The following CSMD1 variants were observed in gnomAD, a reference collection of about 807,000 sequenced individuals.
CSMD1 encodes the protein CUB and sushi domain-containing protein 1.
Under a neutral mutation model 417.5 loss-of-function variants are expected in CSMD1, and 213 were observed. The ratio of observed to expected loss-of-function variants is 0.51; its 90% CI spans 0.46 to 0.57. The LOEUF (loss-of-function observed/expected upper bound fraction) is 0.57, where lower values mean the gene tolerates loss of function less well. CSMD1 is among the 20% of genes least tolerant of loss of function. The probability of loss-of-function intolerance (pLI) is 0.00; values close to 1 mark genes in which losing one functional copy is unlikely to be tolerated. For missense variants in CSMD1, 6,923 were observed against 4,529.7 expected (o/e 1.53, Z -15.17); for synonymous variants, 2,862 against 1,736.8 (o/e 1.65, Z -16.11).
chr8:3,166,820 A>C (rs1054829519), intron 37 of CSMD1, among the ~76,000 whole-genome samples: 1 of 152,228 alleles, frequency 6.6e-6, no homozygotes, highest in African/African-American at 2.4e-5. Context: ...ATGATAGGAA[A>C]ATTCTAGATT....
At chr8:4,261,434 CAA>C (rs1374218466) in intron 3 of CSMD1, among the ~76,000 whole-genome samples, 2 of 152,108 alleles carry the variant, frequency 1.3e-5, no homozygotes. Flanking sequence ...GAATAATTGT[CAA>C]AGTTTACAAA....
At chr8:3,858,794 C>A (rs976683315) in intron 5 of CSMD1, among the ~76,000 whole-genome samples, 3 of 152,044 alleles carry the variant, frequency 2.0e-5, no homozygotes, top group Admixed American at 2.0e-4. Flanking sequence ...AGCACTGAAT[C>A]ATTTCTTCTA....
chr8:4,118,288 A>G (rs1360146377), intron 3 of CSMD1, among the ~76,000 whole-genome samples: 1 of 152,194 alleles, frequency 6.6e-6, no homozygotes, highest in Non-Finnish European at 1.5e-5. Flanking sequence ...ACATGTGAAG[A>G]AGTTCGACCT....
chr8:3,917,974 T>C (rs1022732610), intron 5 of CSMD1, among the ~76,000 whole-genome samples: 3 of 152,160 alleles, frequency 2.0e-5, no homozygotes, highest in African/African-American at 7.2e-5. Flanking sequence ...CTGGTTTATT[T>C]CATTTACCAC....
Position 3,471,730 on chromosome 8 carries a change from T to G in CSMD1, c.1449-2906A>C, listed in dbSNP as rs185455913. 3.3e-5 allele frequency among the ~76,000 whole-genome samples: 5 copies of G among 149,266 alleles called. No homozygotes were observed. The South Asian group carries it at 1.1e-3, about 33-fold the overall frequency. The stretch of plus-strand genomic sequence containing the variant: ...TTTCCTTCCTTCCTTCCTTGCTTTC[T>G]GTTATCATTCCCTAAGATAAGTGAA... On this transcript the variant is annotated intron_variant, in intron 11 of 69. Transcript: ENST00000635120.
At chr8:4,697,099 G>T (rs1375810879) in intron 1 of CSMD1, among the ~76,000 whole-genome samples, 1 of 152,112 alleles carries the variant, frequency 6.6e-6, no homozygotes, top group Non-Finnish European at 1.5e-5. Flanking sequence ...TTGAACCCAG[G>T]AGGGGGAGGT....
intron 1 of CSMD1, among the ~76,000 whole-genome samples, chr8:4,865,416 T>A (rs780237830): frequency 1.3e-5 from 2 of 151,806 alleles, no homozygotes; most frequent in Admixed American, 6.6e-5. Flanking sequence ...TATACACAGC[T>A]TCAATAGGTT....
chr8:3,112,166 C>G (rs1163152459), intron 42 of CSMD1, among the ~76,000 whole-genome samples: 2 of 151,926 alleles, frequency 1.3e-5, no homozygotes, highest in Non-Finnish European at 2.9e-5. Flanking sequence ...TCCCTACTGT[C>G]TAGCTCAGGT....
At chr8:4,304,080 A>G (rs1160875312) in intron 3 of CSMD1, among the ~76,000 whole-genome samples, 2 of 152,180 alleles carry the variant, frequency 1.3e-5, no homozygotes, top group African/African-American at 4.8e-5. Flanking sequence ...GAAACCCTTG[A>G]AATACCATTG....
intron 3 of CSMD1, among the ~76,000 whole-genome samples, chr8:4,153,618 C>T (rs1285134175): frequency 1.3e-5 from 2 of 152,184 alleles, no homozygotes; most frequent in Non-Finnish European, 2.9e-5. Context: ...TGCTCTGTTT[C>T]CTCTCTTCAC....
intron 5 of CSMD1, among the ~76,000 whole-genome samples, chr8:3,811,872 T>C (rs990559168): frequency 6.6e-6 from 1 of 152,184 alleles, no homozygotes; most frequent in South Asian, 2.1e-4. Flanking sequence ...TAAGCCACTA[T>C]GTGTTGTGTT....
chr8:3,507,574 C>A (rs539543807), intron 10 of CSMD1, among the ~76,000 whole-genome samples: 2 of 152,122 alleles, frequency 1.3e-5, no homozygotes, highest in Admixed American at 1.3e-4. Flanking sequence ...CCTGAGGAAT[C>A]GCCACACTGA....
intron 37 of CSMD1, among the ~76,000 whole-genome samples, chr8:3,165,685 GC>G (rs565011273): frequency 4.6e-4 from 70 of 152,226 alleles, no homozygotes; most frequent in African/African-American, 1.7e-3. Context: ...ACCTGCCTCA[GC>G]CTCCCCAAAG....
intron 5 of CSMD1, among the ~76,000 whole-genome samples, chr8:3,862,951 A>G (rs2975366): frequency 0.32 from 48,372 of 152,048 alleles, 8,108 homozygotes; most frequent in East Asian, 0.43. Flanking sequence ...AGAAATTTAT[A>G]GTTCACAATT....
At chr8:4,312,032 G>A (rs554191524) in intron 3 of CSMD1, among the ~76,000 whole-genome samples, 3 of 152,226 alleles carry the variant, frequency 2.0e-5, no homozygotes, top group Admixed American at 1.3e-4. Context: ...ATTATAGTGT[G>A]TTGAAATCAT....
chr8:4,193,024 T>A (rs1053442403), intron 3 of CSMD1, among the ~76,000 whole-genome samples: 1 of 152,232 alleles, frequency 6.6e-6, no homozygotes, highest in African/African-American at 2.4e-5. Context: ...GGAACTGATC[T>A]TGGAATATCT....
At chr8:3,244,965 G>A (rs1465696813) in intron 26 of CSMD1, among the ~76,000 whole-genome samples, 1 of 152,010 alleles carries the variant, frequency 6.6e-6, no homozygotes, top group Non-Finnish European at 1.5e-5. Context: ...GTTATTTTTT[G>A]GCTATTTCCA....
intron 1 of CSMD1, among the ~76,000 whole-genome samples, chr8:4,792,211 A>G (rs545944607): frequency 6.6e-6 from 1 of 152,322 alleles, no homozygotes; most frequent in Non-Finnish European, 1.5e-5. Context: ...AGCCAGACAC[A>G]AAAGTAGAGA....
In CSMD1 at chr8:3,506,089, C is replaced by T. The variant is rs1585269985; in HGVS notation, c.1345-12363G>A. ...TGGGGTTGAGCCCTGGGGCTGTGTTCTCATAAGGAGGTGTCTCATCGGAGG... is the reference window on the plus strand; with the variant it reads ...TGGGGTTGAGCCCTGGGGCTGTGTTTTCATAAGGAGGTGTCTCATCGGAGG... On this transcript the variant is annotated intron_variant, in intron 10 of 69. Coordinates refer to ENST00000635120, the MANE Select transcript of CSMD1 (RefSeq NM_033225.6). Among the ~76,000 whole-genome samples, 5 of 152,248 alleles carry T rather than the reference C, an allele frequency of 3.3e-5. No homozygotes were observed. The East Asian group carries it at 9.7e-4, about 29-fold the overall frequency.
Sources: gnomAD v4.1 joint callset for allele counts (sites outside exome capture counted in the v4.1 genomes callset) on GRCh38, gnomAD v4.1.1 for gene constraint, MANE v1.5 for transcripts, NCBI Gene and HGNC (gene_info 2026-07-23, HGNC 2026-07-21) for gene names.